Variants in ANK2 observed in about 807,000 individuals in gnomAD.
ANK2 encodes the protein ankyrin-2.
A neutral mutation model predicts 360.5 loss-of-function variants in ANK2; 83 were observed. That is an observed-to-expected ratio of 0.23 (90% CI 0.19 to 0.28). The LOEUF (loss-of-function observed/expected upper bound fraction) is 0.28, where lower values mean the gene tolerates loss of function less well. Among genes scored for constraint, ANK2 ranks in the 10% least tolerant of loss-of-function variants. The probability of loss-of-function intolerance (pLI) is 1.00; values close to 1 mark genes in which losing one functional copy is unlikely to be tolerated. For missense variants in ANK2, 4,201 were observed against 4,795.7 expected (o/e 0.88, Z 3.66); for synonymous variants, 1,740 against 1,759.5 (o/e 0.99, Z 0.28).
chr4:113,244,061 G>A (rs888860960), intron 9 of ANK2, among the ~76,000 whole-genome samples: 3 of 152,152 alleles, frequency 2.0e-5, no homozygotes, highest in Admixed American at 2.0e-4. Flanking sequence ...AATAGACAGT[G>A]TATCTTCATA....
the ANK2 span, among the ~76,000 whole-genome samples, chr4:112,781,676 T>C: frequency 1.3e-5 from 2 of 152,134 alleles, no homozygotes; most frequent in African/African-American, 4.8e-5. Flanking sequence ...CATAAGTATG[T>C]TCATTTTATA....
intron 8 of ANK2, among the ~76,000 whole-genome samples, chr4:113,241,285 T>C (rs2039722973): frequency 2.0e-5 from 3 of 152,344 alleles, no homozygotes; most frequent in Middle Eastern, 3.4e-3. Context: ...AACTATGTTG[T>C]GTTATTTTCA....
chr4:113,080,855 T>C (rs1157089474), intron 1 of ANK2, among the ~76,000 whole-genome samples: 3 of 151,998 alleles, frequency 2.0e-5, no homozygotes, highest in Non-Finnish European at 4.4e-5. Flanking sequence ...CCTGGATGCA[T>C]TGGAGAGGAC....
chr4:113,123,044 A>G (rs993496549), intron 1 of ANK2, among the ~76,000 whole-genome samples: 13 of 151,936 alleles, frequency 8.6e-5, no homozygotes, highest in Non-Finnish European at 1.9e-4. Flanking sequence ...GGCTTGAGGT[A>G]AGTTTTAAGA....
At chr4:112,796,384 T>C in the ANK2 span, among the ~76,000 whole-genome samples, 1 of 151,936 alleles carries the variant, frequency 6.6e-6, no homozygotes, top group Non-Finnish European at 1.5e-5. Context: ...GATTGTGTCA[T>C]TGCACTCCAG....
intron 2 of ANK2, among the ~76,000 whole-genome samples, chr4:112,951,687 C>T (rs1377379691): frequency 6.6e-6 from 1 of 152,056 alleles, no homozygotes; most frequent in Admixed American, 6.5e-5. Flanking sequence ...CATTTTACTT[C>T]CAGCTATCCA....
rs2095105438 is a variant in ANK2, at chr4:113,348,295, A to G, written c.4391A>G (p.Glu1464Gly). Reference sequence around the variant, plus strand: ...GGAAAGGAATCAGAGTCAGATCAAGAACAGGAGGAAGAGGTAATTTTATGA... The same window carrying G: ...GGAAAGGAATCAGAGTCAGATCAAGGACAGGAGGAAGAGGTAATTTTATGA... Reference protein sequence around the residue: ...IYTKESESDQEQEEEIDMTSE... With the variant: ...IYTKESESDQGQEEEIDMTSE... The change falls in exon 36 of 46, where the codon GAA (glutamate) becomes GGA (glycine). Residue 1464 changes from glutamate (E) to glycine (G), a missense_variant. Physicochemically the swap from Glu to Gly is moderately conservative, Grantham distance 98. This residue lies in a region of ANK2 where 1,268 missense variants were observed against 1,650.8 expected (regional missense o/e 0.77). Transcript: ENST00000357077. The G allele has an allele frequency of 6.2e-7, 1 of 1,613,406 alleles. No individual in the cohort carries two copies. The highest frequency in any genetic ancestry group is 8.5e-7 in the Non-Finnish European group (1 of 1,179,520).
chr4:113,016,726 G>A (rs1304629491), intron 2 of ANK2, among the ~76,000 whole-genome samples: 1 of 152,158 alleles, frequency 6.6e-6, no homozygotes, highest in Non-Finnish European at 1.5e-5. Flanking sequence ...TGAATCCAAG[G>A]CAGGGGTGCA....
intron 4 of ANK2, chr4:113,214,436 A>G (rs1224303101): frequency 4.9e-6 from 4 of 822,544 alleles, no homozygotes; most frequent in Non-Finnish European, 8.3e-6. Context: ...ATGCTGTTTT[A>G]TACAGAAGTT....
intron 45 of ANK2, among the ~76,000 whole-genome samples, chr4:113,377,271 C>A (rs544119061): frequency 3.9e-4 from 60 of 152,194 alleles, no homozygotes; most frequent in Middle Eastern, 3.4e-3. Flanking sequence ...TTTATTTACA[C>A]CAGCATCGCC....
the ANK2 span, among the ~76,000 whole-genome samples, chr4:112,721,031 C>T: frequency 6.6e-6 from 1 of 152,258 alleles, no homozygotes; most frequent in African/African-American, 2.4e-5. Context: ...TATTCTCTTG[C>T]TGCAGAGAAA....
At chr4:113,324,769 G>A (rs1351953160) in intron 26 of ANK2, among the ~76,000 whole-genome samples, 1 of 152,136 alleles carries the variant, frequency 6.6e-6, no homozygotes, top group Non-Finnish European at 1.5e-5. Flanking sequence ...CTCTTGCTAT[G>A]TATATGAGGA....
chr4:112,989,841 T>C (rs2154277774), intron 2 of ANK2, among the ~76,000 whole-genome samples: 1 of 152,330 alleles, frequency 6.6e-6, no homozygotes, highest in East Asian at 1.9e-4. Context: ...ACAAACATAT[T>C]TTTTGACTTT....
chr4:113,121,774 C>G (rs2095374282), intron 1 of ANK2, among the ~76,000 whole-genome samples: 1 of 151,856 alleles, frequency 6.6e-6, no homozygotes, highest in Non-Finnish European at 1.5e-5. Context: ...GTAAAAGGTT[C>G]TGATTAGTTA....
intron 2 of ANK2, among the ~76,000 whole-genome samples, chr4:112,927,107 C>T (rs2092655562): frequency 6.6e-6 from 1 of 152,118 alleles, no homozygotes. Context: ...AGGGAACCAC[C>T]CCCATGATTC....
intron 1 of ANK2, among the ~76,000 whole-genome samples, chr4:113,121,770 G>C (rs183273036): frequency 6.6e-6 from 1 of 151,914 alleles, no homozygotes; most frequent in African/African-American, 2.4e-5. Context: ...CACAGTAAAA[G>C]GTTCTGATTA....
chr4:113,125,775 C>G (rs2095628653), intron 1 of ANK2, among the ~76,000 whole-genome samples: 1 of 152,092 alleles, frequency 6.6e-6, no homozygotes, highest in African/African-American at 2.4e-5. Context: ...ATGTCGTAGA[C>G]AGAGTACCTT....
At chr4:112,747,566 G>T in the ANK2 span, among the ~76,000 whole-genome samples, 1 of 152,172 alleles carries the variant, frequency 6.6e-6, no homozygotes, top group Non-Finnish European at 1.5e-5. Flanking sequence ...AAAGTTTTAT[G>T]TGAAAGCACT....
chr4:112,917,256 T>G (rs2090142291), intron 2 of ANK2, among the ~76,000 whole-genome samples: 1 of 152,254 alleles, frequency 6.6e-6, no homozygotes, highest in Non-Finnish European at 1.5e-5. Flanking sequence ...ATAACTCTCG[T>G]GGATCTAAAA....
Sources: allele counts gnomAD v4.1 joint callset (sites outside exome capture counted in the v4.1 genomes callset), GRCh38; gene constraint gnomAD v4.1.1; regional missense constraint gnomAD v4.1.1; transcripts MANE v1.5; gene names NCBI Gene and HGNC (gene_info 2026-07-23, HGNC 2026-07-21).